The following HDAC4 variants were observed in gnomAD, a reference collection of about 807,000 sequenced individuals.
The protein encoded by HDAC4 is histone deacetylase 4.
A neutral mutation model predicts 135.1 loss-of-function variants in HDAC4; 16 were observed. The ratio of observed to expected loss-of-function variants is 0.12; its 90% CI spans 0.08 to 0.18. The LOEUF is 0.18. HDAC4 is among the 10% of genes least tolerant of loss of function. The pLI is 1.00. For missense variants in HDAC4, 1,143 were observed against 1,511.8 expected (o/e 0.76, Z 4.05); for synonymous variants, 685 against 653.4 (o/e 1.05, Z -0.74).
intron 3 of HDAC4, among the ~76,000 whole-genome samples, chr2:239,221,442 A>G (rs531070182): frequency 6.6e-6 from 1 of 152,176 alleles, no homozygotes; most frequent in African/African-American, 2.4e-5. Flanking sequence ...AACAAAAAAG[A>G]CAGGAGTGTG....
In HDAC4 at chr2:239,139,856, C is replaced by A. The variant is rs2041239672; in HGVS notation, c.866-60G>T. On this transcript the variant is annotated intron_variant, in intron 8 of 26. Transcript: ENST00000543185. The surrounding 1 kb of genome is among the most constrained non-coding windows in gnomAD (Gnocchi z 5.3). ...CCATGCGGAGGGAGGGCCGTGCTGACCTGTGGCCCGAATGCCCGGTGCCTT... is the reference window on the plus strand; with the variant it reads ...CCATGCGGAGGGAGGGCCGTGCTGAACTGTGGCCCGAATGCCCGGTGCCTT... 1.4e-6 allele frequency: 2 copies of A among 1,461,946 alleles called. No homozygotes were observed. Among genetic ancestry groups the A allele is most frequent in the Non-Finnish European group, 9.6e-7 (1 of 1,044,658 alleles). 90.6% of individuals were successfully genotyped at this position (1,461,946 alleles called of 1,614,324 possible). A position where few individuals can be genotyped will look rare whatever the true frequency, so the allele number is the denominator to read the frequency against.
At chr2:239,069,869 A>G (rs2033987182) in intron 22 of HDAC4, among the ~76,000 whole-genome samples, 2 of 152,192 alleles carry the variant, frequency 1.3e-5, no homozygotes, top group African/African-American at 2.4e-5. Context: ...GTTTCTTGGT[A>G]TGCTGTTTTC....
At chr2:239,312,220 C>A (rs2052914763) in intron 2 of HDAC4, among the ~76,000 whole-genome samples, 1 of 152,160 alleles carries the variant, frequency 6.6e-6, no homozygotes, top group Non-Finnish European at 1.5e-5. Flanking sequence ...GGCCAGCCAG[C>A]CACCCACGCT....
intron 4 of HDAC4, among the ~76,000 whole-genome samples, chr2:239,184,622 C>T (rs1470359803): frequency 2.2e-5 from 3 of 133,536 alleles, no homozygotes; most frequent in African/African-American, 8.4e-5. Flanking sequence ...GAGGCTGTGC[C>T]CTATGATGGG....
chr2:239,389,259 T>C (rs999108511), intron 1 of HDAC4, among the ~76,000 whole-genome samples: 3 of 152,150 alleles, frequency 2.0e-5, no homozygotes, highest in South Asian at 2.1e-4. Context: ...GGCAACCCAT[T>C]TGGGTCCCCT....
At chr2:239,365,829 CG>C (rs1694164296) in intron 1 of HDAC4, among the ~76,000 whole-genome samples, 1 of 147,420 alleles carries the variant, frequency 6.8e-6, no homozygotes, top group Non-Finnish European at 1.5e-5. Flanking sequence ...GGGGGACACA[CG>C]CAGACACGCA....
chr2:239,366,204 G>GC (rs1489147615), intron 1 of HDAC4, among the ~76,000 whole-genome samples: 1 of 149,318 alleles, frequency 6.7e-6, no homozygotes, highest in African/African-American at 2.5e-5. Flanking sequence ...AGACATGCAT[G>GC]CACACAGCAG....
At chr2:239,356,162 AAT>A (rs955417053) in intron 1 of HDAC4, among the ~76,000 whole-genome samples, 1 of 152,194 alleles carries the variant, frequency 6.6e-6, no homozygotes, top group Non-Finnish European at 1.5e-5. Context: ...TAGTTTTAAA[AAT>A]ATATATATAA....
chr2:239,192,601 C>T (rs2045066042), intron 3 of HDAC4, among the ~76,000 whole-genome samples: 2 of 152,114 alleles, frequency 1.3e-5, no homozygotes, highest in Middle Eastern at 3.2e-3. Flanking sequence ...GGCTACGGGT[C>T]CGGCTCTCAC....
intron 22 of HDAC4, among the ~76,000 whole-genome samples, chr2:239,070,500 G>C (rs1411678595): frequency 6.6e-6 from 1 of 152,246 alleles, no homozygotes; most frequent in African/African-American, 2.4e-5. Context: ...TGTGCTCTCC[G>C]TGAGTAGGGA....
chr2:239,275,035 C>T (rs1467105263), intron 2 of HDAC4, among the ~76,000 whole-genome samples: 1 of 152,246 alleles, frequency 6.6e-6, no homozygotes, highest in Non-Finnish European at 1.5e-5. Context: ...TAAACATTCC[C>T]AGAGCTGCGA....
At chr2:239,122,916 C>T (rs542159593) in intron 12 of HDAC4, among the ~76,000 whole-genome samples, 1 of 152,336 alleles carries the variant, frequency 6.6e-6, no homozygotes, top group African/African-American at 2.4e-5. Flanking sequence ...GGGCAGATGC[C>T]CTCAGGGAAC....
intron 2 of HDAC4, among the ~76,000 whole-genome samples, chr2:239,248,839 G>A (rs1409212127): frequency 1.3e-5 from 2 of 152,096 alleles, no homozygotes; most frequent in East Asian, 1.9e-4. Flanking sequence ...CTCTCCACAC[G>A]GACTCATTCA....
intron 2 of HDAC4, among the ~76,000 whole-genome samples, chr2:239,243,869 C>A (rs1043244617): frequency 6.6e-6 from 1 of 152,150 alleles, no homozygotes; most frequent in Non-Finnish European, 1.5e-5. Context: ...AGAAAAAGCC[C>A]GGACTTGATT....
At chr2:239,106,768 C>T (rs3791401) in intron 15 of HDAC4, among the ~76,000 whole-genome samples, 117,566 of 152,146 alleles carry the variant, frequency 0.77, 45,726 homozygotes, top group South Asian at 0.91. Flanking sequence ...CAGGGCGGGA[C>T]CCTGCAGAAA....
intron 2 of HDAC4, among the ~76,000 whole-genome samples, chr2:239,289,350 C>G (rs1219829566): frequency 6.6e-6 from 1 of 152,140 alleles, no homozygotes; most frequent in Non-Finnish European, 1.5e-5. Context: ...AAAGCACTAA[C>G]CACAAAAGAA....
intron 12 of HDAC4, among the ~76,000 whole-genome samples, chr2:239,126,243 A>T (rs2040179469): frequency 6.6e-6 from 1 of 152,196 alleles, no homozygotes; most frequent in Non-Finnish European, 1.5e-5. Context: ...CTGCAGGTGA[A>T]CTGTTCCTGA....
chr2:239,226,013 G>A (rs2047220464), intron 3 of HDAC4, among the ~76,000 whole-genome samples: 3 of 152,176 alleles, frequency 2.0e-5, no homozygotes, highest in Admixed American at 1.3e-4. Flanking sequence ...CCTTTCAGCT[G>A]CACCGCGACA....
intron 11 of HDAC4, among the ~76,000 whole-genome samples, chr2:239,131,945 A>G (rs1364162150): frequency 6.6e-6 from 1 of 152,190 alleles, no homozygotes; most frequent in African/African-American, 2.4e-5. Flanking sequence ...ATACAGGAGG[A>G]CAGACCGGAG....
Sources: gnomAD v4.1 joint callset for allele counts (sites outside exome capture counted in the v4.1 genomes callset) on GRCh38, gnomAD v4.1.1 for gene constraint, Gnocchi (gnomAD v3.1) non-coding constraint, MANE v1.5 for transcripts, NCBI Gene and HGNC (gene_info 2026-07-23, HGNC 2026-07-21) for gene names.